The following RPS6KA2 variants were observed in gnomAD, a reference collection of about 807,000 sequenced individuals.
The protein encoded by RPS6KA2 is ribosomal protein S6 kinase A2.
A neutral mutation model predicts 91.8 loss-of-function variants in RPS6KA2; 42 were observed. The observed-to-expected ratio is 0.46, with a 90% CI of 0.36 to 0.59. The LOEUF (loss-of-function observed/expected upper bound fraction) is 0.59, where lower values mean the gene tolerates loss of function less well. Among genes scored for constraint, RPS6KA2 ranks in the 20% least tolerant of loss-of-function variants. RPS6KA2 has a pLI of 0.00. For missense variants in RPS6KA2, 798 were observed against 978.5 expected (o/e 0.82, Z 2.46); for synonymous variants, 414 against 393.6 (o/e 1.05, Z -0.61).
chr6:166,509,257 G>C lies in RPS6KA2; in HGVS notation c.380-975C>G, dbSNP rs1419867327. On this transcript the variant is annotated intron_variant, in intron 4 of 20. Coordinates refer to ENST00000265678, the MANE Select transcript of RPS6KA2 (RefSeq NM_021135.6). ...TGGGTCACCACTGAGGTGATGTGGA[G>C]GTCTGTTTAAAGCTCTTTGTAGGAC... The C allele has an allele frequency of 4.1e-5, 7 of 168,858 alleles. No homozygotes were observed. In the East Asian group the frequency reaches 1.2e-3, roughly 28 times the overall value. The allele number at this position is 168,858 out of a possible 1,614,324, so 10.5% of individuals were successfully genotyped here. A position where few individuals can be genotyped will look rare whatever the true frequency, so the allele number is the denominator to read the frequency against.
At chr6:166,810,485 T>C (rs894134684) in intron 2 of RPS6KA2, among the ~76,000 whole-genome samples, 1 of 152,162 alleles carries the variant, frequency 6.6e-6, no homozygotes. Flanking sequence ...GAGATGTGCC[T>C]TGAACTGAGA....
Position 166,745,938 on chromosome 6 carries a change from G to A in RPS6KA2, c.123+112262C>T, listed in dbSNP as rs1472667333. ...GGCCCAACAGAATATTAATGTTGCT[G>A]CTGTGGTTGCCCAGTGAGGACATGA... On this transcript the variant is annotated intron_variant, in intron 2 of 21. Coordinates refer to the RPS6KA2 transcript ENST00000503859. 3.3e-5 allele frequency among the ~76,000 whole-genome samples: 5 copies of A among 152,242 alleles called. No individual in the cohort carries two copies. In the East Asian group the frequency reaches 9.6e-4, roughly 29 times the overall value.
In RPS6KA2 at chr6:166,737,788, G is replaced by A. The variant is rs777200465; in HGVS notation, c.123+120412C>T. ...AAAATAGTATATTCCCTGTTTAGAC[G>A]AACTCTAAATTAAACTCAAATCCCT... On this transcript the variant is annotated intron_variant, in intron 2 of 21. Transcript: ENST00000503859. This position sits in a 1 kb window ranked among gnomAD's most constrained non-coding sequence, Gnocchi z 4.3. 2.0e-5 allele frequency among the ~76,000 whole-genome samples: 3 copies of A among 152,058 alleles called. No individual in the cohort carries two copies. Among genetic ancestry groups the A allele is most frequent in the Non-Finnish European group, 2.9e-5 (2 of 68,020 alleles).
chr6:166,480,909 A>T (rs1583189253), intron 10 of RPS6KA2, among the ~76,000 whole-genome samples: 1 of 152,138 alleles, frequency 6.6e-6, no homozygotes, highest in Non-Finnish European at 1.5e-5. Context: ...CTCGGCTGGG[A>T]TTACAGGTAT....
At chr6:166,556,295 C>T (rs1784175927) in intron 1 of RPS6KA2, among the ~76,000 whole-genome samples, 1 of 152,206 alleles carries the variant, frequency 6.6e-6, no homozygotes, top group South Asian at 2.1e-4. Context: ...CTCACACCAA[C>T]TCCTCAGCTC....
intron 2 of RPS6KA2, chr6:166,701,717 C>T (rs1789527209): frequency 6.1e-6 from 8 of 1,311,508 alleles, no homozygotes; most frequent in Middle Eastern, 2.5e-4. Flanking sequence ...AGACCCAAGG[C>T]GTTCAGATTT....
chr6:166,510,217 C>T, intron 4 of RPS6KA2, 60 bp downstream of exon 4: 3 of 1,031,362 alleles, frequency 2.9e-6, no homozygotes, highest in South Asian at 2.7e-5. Context: ...TTTCAATTTT[C>T]TTTGATCTGG....
At chr6:166,418,000 A>G (rs1583105195) in intron 19 of RPS6KA2, among the ~76,000 whole-genome samples, 1 of 152,078 alleles carries the variant, frequency 6.6e-6, no homozygotes, top group Non-Finnish European at 1.5e-5. Context: ...AGACAGGAGA[A>G]TTACTTGAAC....
In RPS6KA2 at chr6:166,768,263, G is replaced by A. The variant is rs899738888; in HGVS notation, c.123+89937C>T. Among the ~76,000 whole-genome samples the A allele has an allele frequency of 2.0e-5, 3 of 152,206 alleles. No homozygotes were observed. The East Asian group carries it at 5.8e-4, about 29-fold the overall frequency. On this transcript the variant is annotated intron_variant, in intron 2 of 21. Coordinates refer to the RPS6KA2 transcript ENST00000503859. ...AGAAAACATCCTCCCCTTGGAACTG[G>A]AACCTCCTTTGTGTCTTTTCTAAAA...
At chr6:166,616,340 G>T (rs921473375) in intron 1 of RPS6KA2, among the ~76,000 whole-genome samples, 1 of 152,136 alleles carries the variant, frequency 6.6e-6, no homozygotes, top group South Asian at 2.1e-4. Context: ...CAACCCCGAC[G>T]CATGGATCAC....
At chr6:166,721,078 C>T (rs555709833) in intron 2 of RPS6KA2, among the ~76,000 whole-genome samples, 11 of 152,182 alleles carry the variant, frequency 7.2e-5, no homozygotes, top group Non-Finnish European at 1.3e-4. Context: ...AGTGCTCCAT[C>T]GTTACTTTAC....
At chr6:166,747,871 T>C (rs977449568) in intron 2 of RPS6KA2, among the ~76,000 whole-genome samples, 7 of 152,174 alleles carry the variant, frequency 4.6e-5, no homozygotes, top group African/African-American at 1.7e-4. Flanking sequence ...CTCCTGAAGC[T>C]CTTACAGCAG....
chr6:166,766,918 C>G (rs1339668718), intron 2 of RPS6KA2, among the ~76,000 whole-genome samples: 3 of 152,220 alleles, frequency 2.0e-5, no homozygotes, highest in Non-Finnish European at 4.4e-5. Context: ...AGTGTCTGGA[C>G]CCAGCTGCGT....
At chr6:166,483,438 G>A (rs1034363650) in intron 10 of RPS6KA2, among the ~76,000 whole-genome samples, 1 of 152,166 alleles carries the variant, frequency 6.6e-6, no homozygotes, top group Non-Finnish European at 1.5e-5. Flanking sequence ...AGAATCCACC[G>A]CTTCTAGCAG....
At chr6:166,518,675 C>T (rs1782745330) in intron 3 of RPS6KA2, among the ~76,000 whole-genome samples, 1 of 152,162 alleles carries the variant, frequency 6.6e-6, no homozygotes, top group South Asian at 2.1e-4. Flanking sequence ...TTTAGGGTGG[C>T]AGAAAACAGG....
At chr6:166,502,913 G>T (rs1782074284) in intron 6 of RPS6KA2, among the ~76,000 whole-genome samples, 1 of 152,188 alleles carries the variant, frequency 6.6e-6, no homozygotes, top group African/African-American at 2.4e-5. Flanking sequence ...TCCCTTATCT[G>T]AAATGCCTGA....
chr6:166,783,773 CATCT>C lies in RPS6KA2; in HGVS notation c.123+74423_123+74426del, dbSNP rs1465713057. Among the ~76,000 whole-genome samples, 71 of 146,462 alleles carry C rather than the reference CATCT, an allele frequency of 4.8e-4. 2 individuals are homozygous for C. Among genetic ancestry groups the C allele is most frequent in the Middle Eastern group, 3.5e-3 (1 of 288 alleles). On this transcript the variant is annotated intron_variant, in intron 2 of 21. Transcript: ENST00000503859. ...CTAAAACCACATATACACATGTGCA[CATCT>C]ATCTATAACTACATATATACACGTG...
chr6:166,728,128 T>C (rs572108779), intron 2 of RPS6KA2, among the ~76,000 whole-genome samples: 2 of 152,346 alleles, frequency 1.3e-5, no homozygotes, highest in Non-Finnish European at 2.9e-5. Flanking sequence ...GGAAATACCA[T>C]GCCATTTTAT....
At position 166,486,378 on chromosome 6, in the gene RPS6KA2, A is replaced by G. The variant is rs540801959; in HGVS notation, c.907+2455T>C. 3.2e-3 allele frequency among the ~76,000 whole-genome samples: 488 copies of G among 152,164 alleles called. 2 individuals carry two copies. The highest frequency in any genetic ancestry group is 0.011 in the African/African-American group (463 of 41,514). On this transcript the variant is annotated intron_variant, in intron 10 of 20. Coordinates refer to ENST00000265678, the MANE Select transcript of RPS6KA2 (RefSeq NM_021135.6). ...TCCCCTCTGGTCCTGAGTGCTCTCC[A>G]TCCTGGGCCTCCCATCTCATTGTCG...
Sources: gnomAD v4.1 joint callset for allele counts (sites outside exome capture counted in the v4.1 genomes callset) on GRCh38, gnomAD v4.1.1 for gene constraint, Gnocchi (gnomAD v3.1) non-coding constraint, MANE v1.5 for transcripts, NCBI Gene and HGNC (gene_info 2026-07-23, HGNC 2026-07-21) for gene names.